PRKCSH: variants seen among roughly 807,000 people sequenced by gnomAD.
PRKCSH encodes PRKCSH beta subunit of glucosidase II.
In PRKCSH, 42 loss-of-function variants were observed where a neutral mutation model predicts 79.7. That is an observed-to-expected ratio of 0.53 (90% CI 0.41 to 0.68). The LOEUF is 0.68. Ranked by LOEUF, PRKCSH falls within the 30% of genes least tolerant of loss-of-function variation. The probability of loss-of-function intolerance (pLI) is 0.00; values close to 1 mark genes in which losing one functional copy is unlikely to be tolerated. For synonymous variants in PRKCSH, 325 were observed against 288.2 expected (o/e 1.13, Z -1.29); for missense variants, 686 against 709.0 (o/e 0.97, Z 0.37).
rs554996072 is a variant in PRKCSH, at chr19:11,447,368, G to A, written c.850-71G>A. 2.3e-5 allele frequency: 35 copies of A among 1,536,892 alleles called. No homozygotes were observed. The highest frequency in any genetic ancestry group is 4.1e-5 in the African/African-American group (3 of 73,582). ...CAGAGACACCGAGGCTGCCCCTTGG[G>A]CTGTGGTGTGAGCCTGAGGGTGTGG... On this transcript the variant is annotated intron_variant, in intron 10 of 17. Coordinates refer to ENST00000677123, the MANE Select transcript of PRKCSH (RefSeq NM_001289104.2). The surrounding 1 kb of genome is among the most constrained non-coding windows in gnomAD (Gnocchi z 5.6).
chr19:11,445,501 A>C (rs780202665), intron 8 of PRKCSH, 28 bp downstream of exon 8: 3 of 1,607,308 alleles, frequency 1.9e-6, no homozygotes, highest in Non-Finnish European at 1.7e-6. Flanking sequence ...GGAGCTGCCC[A>C]CCTTTCCGTG....
At chr19:11,446,577 G>A (rs1217168716) in intron 9 of PRKCSH, among the ~76,000 whole-genome samples, 1 of 150,892 alleles carries the variant, frequency 6.6e-6, no homozygotes, top group Non-Finnish European at 1.5e-5. Flanking sequence ...TCTACCCGCT[G>A]TTGAGCACCC....
chr19:11,445,809 C>T, intron 8 of PRKCSH: 3 of 468,220 alleles, frequency 6.4e-6, no homozygotes, highest in South Asian at 4.2e-5. Flanking sequence ...CTGGCTGTGC[C>T]TCTGAGCTTG....
At position 11,447,942 on chromosome 19, in the gene PRKCSH, TA is replaced by T; in HGVS notation, c.1126+155del. 1 of 984,654 alleles carries T rather than the reference TA, an allele frequency of 1.0e-6. No homozygotes were observed. Among genetic ancestry groups the T allele is most frequent in the Non-Finnish European group, 1.5e-6 (1 of 681,528 alleles). The allele number at this position is 984,654 out of a possible 1,614,324, so 61.0% of individuals were successfully genotyped here. A position where few individuals can be genotyped will look rare whatever the true frequency, so the allele number is the denominator to read the frequency against. On this transcript the variant is annotated intron_variant, in intron 12 of 17. Transcript: ENST00000677123. This position sits in a 1 kb window ranked among gnomAD's most constrained non-coding sequence, Gnocchi z 5.6. ...GGGAGTCCAGGAAGGGGGCCTAGGG[TA>T]AGCCAGTCCCACCCTCGCCAGCCCC... is the stretch of plus-strand genomic sequence containing the variant.
intron 8 of PRKCSH, among the ~76,000 whole-genome samples, 184 bp from the exon 9 acceptor site, chr19:11,446,088 C>T (rs1440586173): frequency 6.6e-6 from 1 of 151,684 alleles, no homozygotes; most frequent in African/African-American, 2.4e-5. Flanking sequence ...TTACTTTGAG[C>T]TCCTTTGGGG....
intron 5 of PRKCSH, among the ~76,000 whole-genome samples, chr19:11,439,469 T>A (rs953622671): frequency 4.0e-5 from 6 of 150,650 alleles, no homozygotes; most frequent in African/African-American, 1.5e-4. Context: ...ATTTAAAAAA[T>A]TACTGGTTGG....
chr19:11,448,016 C>G lies in PRKCSH; in HGVS notation c.1127-206C>G, dbSNP rs1970403199. On this transcript the variant is annotated intron_variant, in intron 12 of 17. Transcript: ENST00000677123. This position sits in a 1 kb window ranked among gnomAD's most constrained non-coding sequence, Gnocchi z 4.4. ...AGGGCCGCAGCTTGTTTGTGTCACT[C>G]CTGGCCCCACTCGCTCAGGAGCTGG... is the stretch of plus-strand genomic sequence containing the variant. 1.3e-6 allele frequency: 1 copy of G among 752,430 alleles called. No homozygotes were observed. The highest frequency in any genetic ancestry group is 2.7e-5 in the East Asian group (1 of 37,104). 46.6% of individuals were successfully genotyped at this position (752,430 alleles called of 1,614,324 possible).
chr19:11,449,598 A>G lies in PRKCSH; in HGVS notation c.*16+170A>G, dbSNP rs1234486166. The G allele has an allele frequency of 1.2e-6, 1 of 866,868 alleles. No individual in the cohort carries two copies. The highest frequency in any genetic ancestry group is 2.4e-5 in the Admixed American group (1 of 40,828). 53.7% of individuals were successfully genotyped at this position (866,868 alleles called of 1,614,324 possible). A position where few individuals can be genotyped will look rare whatever the true frequency, so the allele number is the denominator to read the frequency against. On this transcript the variant is annotated intron_variant, in intron 17 of 17. Coordinates refer to ENST00000677123, the MANE Select transcript of PRKCSH (RefSeq NM_001289104.2). The surrounding 1 kb of genome is among the most constrained non-coding windows in gnomAD (Gnocchi z 6.4). Reference sequence around the variant, plus strand: ...CACTCTTTGGCCCAGGCTGGAGTGCAGTGATGCGACCTCAGCTGACTGCAA... The same window carrying G: ...CACTCTTTGGCCCAGGCTGGAGTGCGGTGATGCGACCTCAGCTGACTGCAA...
chr19:11,449,141 C>G lies in PRKCSH; in HGVS notation c.1427C>G (p.Thr476Arg), dbSNP rs373102151. 2 of 1,613,838 alleles carry G rather than the reference C, an allele frequency of 1.2e-6. No homozygotes were observed. Among genetic ancestry groups the G allele is most frequent in the Non-Finnish European group, 1.7e-6 (2 of 1,180,034 alleles). ...KFSAMKYEQGTGCWQGPNRST... is the reference protein window; with the variant it reads ...KFSAMKYEQGRGCWQGPNRST... Reference sequence around the variant, plus strand: ...AGTGCCATGAAGTATGAGCAAGGCACGGGCTGCTGGCAGGGCCCCAACCGC... The same window carrying G: ...AGTGCCATGAAGTATGAGCAAGGCAGGGGCTGCTGGCAGGGCCCCAACCGC... The change falls in exon 16 of 18, where the codon ACG (threonine) becomes AGG (arginine). Residue 476 changes from threonine to arginine, a missense_variant. By Grantham distance (71) the Thr-to-Arg change is moderately conservative. Coordinates refer to ENST00000677123, the MANE Select transcript of PRKCSH (RefSeq NM_001289104.2). This position sits in a 1 kb window ranked among gnomAD's most constrained non-coding sequence, Gnocchi z 6.4.
At position 11,449,192 on chromosome 19, in the gene PRKCSH, C is replaced by T; in HGVS notation, c.1461+17C>T. ...TCCACCACCGTGAGTGCCTGCAAGGCAGGGGAGCTGGGGCGGGGAGACCCA... is the reference window on the plus strand; with the variant it reads ...TCCACCACCGTGAGTGCCTGCAAGGTAGGGGAGCTGGGGCGGGGAGACCCA... On this transcript the variant is annotated intron_variant, in intron 16 of 17. Coordinates refer to ENST00000677123, the MANE Select transcript of PRKCSH (RefSeq NM_001289104.2). The surrounding 1 kb of genome is among the most constrained non-coding windows in gnomAD (Gnocchi z 6.4). 2 of 1,613,698 alleles carry T rather than the reference C, an allele frequency of 1.2e-6. No individual in the cohort carries two copies. The highest frequency in any genetic ancestry group is 2.2e-5 in the South Asian group (2 of 91,080).
intron 5 of PRKCSH, 146 bp downstream of exon 5, chr19:11,438,270 T>C (rs922730868): frequency 2.2e-6 from 2 of 896,826 alleles, no homozygotes; most frequent in Non-Finnish European, 3.6e-6. Context: ...AATCCCCACC[T>C]TTCCCTCTAG....
chr19:11,441,217 G>T, intron 5 of PRKCSH, 23 bp from the exon 6 acceptor site: 1 of 1,612,168 alleles, frequency 6.2e-7, no homozygotes, highest in Non-Finnish European at 8.5e-7. Flanking sequence ...CACTGGTGGT[G>T]CCTGTGTGTC....
chr19:11,442,499 C>T lies in PRKCSH; in HGVS notation c.582C>T (p.His194=), dbSNP rs1322290469. The T allele has an allele frequency of 1.9e-6, 3 of 1,611,228 alleles. No homozygotes were observed. The highest frequency in any genetic ancestry group is 8.5e-7 in the Non-Finnish European group (1 of 1,179,148). ...CAGAGAGAGAGGCCAAAGAGCAGCA[C>T]CAGAAGCTGTGGGAAGGTATGGCAG... ...EKPEREAKEQ[H]QKLWEEQLAA... Residue 194 remains histidine, a synonymous_variant, in exon 7 of 18, where the codon CAC becomes CAT. Transcript: ENST00000677123.
chr19:11,442,332 A>C, intron 6 of PRKCSH, 54 bp from the exon 7 acceptor site: 1 of 1,544,502 alleles, frequency 6.5e-7, no homozygotes, highest in South Asian at 1.2e-5. Context: ...GTAGTAGTCA[A>C]TGAGGAGGAG....
At chr19:11,450,461 A>G (rs999385313) in intron 17 of PRKCSH, 185 bp from the exon 18 acceptor site, 1 of 149,596 alleles carries the variant, frequency 6.7e-6, no homozygotes, top group African/African-American at 2.5e-5. Context: ...CCTGGGCTAC[A>G]GAGTGAGACT....
chr19:11,440,980 G>C (rs1970037102), intron 5 of PRKCSH: 1 of 450,776 alleles, frequency 2.2e-6, no homozygotes, highest in African/African-American at 2.0e-5. Context: ...CCTGTCTCTT[G>C]AGAGTTGATA....
At position 11,447,202 on chromosome 19, in the gene PRKCSH, A is replaced by G; in HGVS notation, c.849+42A>G. On this transcript the variant is annotated intron_variant, in intron 10 of 17. Coordinates refer to ENST00000677123, the MANE Select transcript of PRKCSH (RefSeq NM_001289104.2). This position sits in a 1 kb window ranked among gnomAD's most constrained non-coding sequence, Gnocchi z 5.6. ...GGAGGGGACTTGGTCCTCCCACCACACTGCCCCCACCCCGCCTCACAAAGG... is the reference window on the plus strand; with the variant it reads ...GGAGGGGACTTGGTCCTCCCACCACGCTGCCCCCACCCCGCCTCACAAAGG... 6.3e-7 allele frequency: 1 copy of G among 1,590,818 alleles called. No individual in the cohort carries two copies. Among genetic ancestry groups the G allele is most frequent in the Non-Finnish European group, 8.6e-7 (1 of 1,161,014 alleles).
In PRKCSH at chr19:11,441,375, G is replaced by T; in HGVS notation, c.468+18G>T. ...AGAAGCAGGTAAGGAACCCGCGGGG[G>T]CTGCCCCAGGGTGATCTGGGCCTTG... On this transcript the variant is annotated intron_variant, in intron 6 of 17. Transcript: ENST00000677123. The T allele has an allele frequency of 6.2e-7, 1 of 1,611,808 alleles. No individual in the cohort carries two copies.
Position 11,449,496 on chromosome 19 carries a change from G to T in PRKCSH, c.*16+68G>T, listed in dbSNP as rs1198983005. The T allele has an allele frequency of 1.3e-6, 2 of 1,588,972 alleles. No homozygotes were observed. Among genetic ancestry groups the T allele is most frequent in the Non-Finnish European group, 8.6e-7 (1 of 1,160,828 alleles). On this transcript the variant is annotated intron_variant, in intron 17 of 17. Transcript: ENST00000677123. This position sits in a 1 kb window ranked among gnomAD's most constrained non-coding sequence, Gnocchi z 6.4. ...GGAGGCGGCGGGCCCTGAGGAAGAT[G>T]GACCCACATGGCCACTCTATCAACC...
Sources: gnomAD v4.1 joint callset for allele counts (sites outside exome capture counted in the v4.1 genomes callset) on GRCh38, gnomAD v4.1.1 for gene constraint, Gnocchi (gnomAD v3.1) non-coding constraint, MANE v1.5 for transcripts, NCBI Gene and HGNC (gene_info 2026-07-23, HGNC 2026-07-21) for gene names.